HS6ST3: variants seen among roughly 807,000 people sequenced by gnomAD.
HS6ST3 encodes the protein heparan-sulfate 6-O-sulfotransferase 3.
Under a neutral mutation model 36.7 loss-of-function variants are expected in HS6ST3, and 12 were observed. The ratio of observed to expected loss-of-function variants is 0.33; its 90% CI spans 0.21 to 0.53. HS6ST3 has a LOEUF of 0.53. Among genes scored for constraint, HS6ST3 ranks in the 20% least tolerant of loss-of-function variants. HS6ST3 has a pLI of 0.95. For missense variants in HS6ST3, 584 were observed against 640.9 expected, an observed-to-expected ratio of 0.91 and a Z score of 0.96; for synonymous variants, 240 against 257.5, an observed-to-expected ratio of 0.93 and a Z score of 0.65.
intron 1 of HS6ST3, among the ~76,000 whole-genome samples, chr13:96,159,740 G>A (rs559056189): frequency 1.3e-5 from 2 of 152,304 alleles, no homozygotes; most frequent in African/African-American, 4.8e-5. Context: ...CAAACCATTT[G>A]ACTAATTTTG....
chr13:96,668,366 A>G (rs1566425387), intron 1 of HS6ST3, among the ~76,000 whole-genome samples: 2 of 152,202 alleles, frequency 1.3e-5, no homozygotes, highest in Non-Finnish European at 2.9e-5. Context: ...AGGTTAGACA[A>G]TATTCACGAG....
intron 1 of HS6ST3, among the ~76,000 whole-genome samples, chr13:96,565,355 G>A (rs771038592): frequency 2.0e-5 from 3 of 152,074 alleles, no homozygotes; most frequent in Non-Finnish European, 4.4e-5. Flanking sequence ...CCCTTGAAAT[G>A]TCCACCATTT....
chr13:96,462,308 TG>T (rs1310064789), intron 1 of HS6ST3, among the ~76,000 whole-genome samples: 1 of 152,172 alleles, frequency 6.6e-6, no homozygotes, highest in Non-Finnish European at 1.5e-5. Flanking sequence ...TGGCCTCAAG[TG>T]ATCCTCCTAC....
At chr13:96,688,634 T>C (rs1874854049) in intron 1 of HS6ST3, among the ~76,000 whole-genome samples, 1 of 152,116 alleles carries the variant, frequency 6.6e-6, no homozygotes, top group South Asian at 2.1e-4. Context: ...AGTGTTTTCG[T>C]TGAGTTTTTC....
At chr13:96,506,628 T>G (rs1372375941) in intron 1 of HS6ST3, among the ~76,000 whole-genome samples, 1 of 152,160 alleles carries the variant, frequency 6.6e-6, no homozygotes, top group Non-Finnish European at 1.5e-5. Flanking sequence ...GAGAGAGAGA[T>G]CCATGTTATT....
intron 1 of HS6ST3, among the ~76,000 whole-genome samples, chr13:96,291,181 A>G (rs971029319): frequency 3.9e-5 from 6 of 152,064 alleles, no homozygotes; most frequent in Non-Finnish European, 7.4e-5. Context: ...TGTCTCTCCC[A>G]TAGAATGTGG....
At chr13:96,534,134 G>A (rs567738097) in intron 1 of HS6ST3, among the ~76,000 whole-genome samples, 11 of 152,134 alleles carry the variant, frequency 7.2e-5, no homozygotes, top group Non-Finnish European at 1.2e-4. Flanking sequence ...CTGCCAAGTC[G>A]GTGAGCTGTT....
At chr13:96,605,778 AC>A (rs1324987166) in intron 1 of HS6ST3, among the ~76,000 whole-genome samples, 1 of 152,122 alleles carries the variant, frequency 6.6e-6, no homozygotes, top group East Asian at 1.9e-4. Context: ...AGCAAAGGAA[AC>A]TATTAACAGA....
chr13:96,456,356 A>AATC (rs1385589056), intron 1 of HS6ST3, among the ~76,000 whole-genome samples: 1 of 152,152 alleles, frequency 6.6e-6, no homozygotes, highest in Non-Finnish European at 1.5e-5. Context: ...TTCTATTTAT[A>AATC]ATCAATTTTC....
intron 1 of HS6ST3, among the ~76,000 whole-genome samples, chr13:96,315,935 G>A (rs1202810490): frequency 6.6e-6 from 1 of 152,090 alleles, no homozygotes; most frequent in East Asian, 1.9e-4. Flanking sequence ...TGACACCATT[G>A]TGCAGCAAGC....
intron 1 of HS6ST3, among the ~76,000 whole-genome samples, chr13:96,711,038 C>A (rs920800264): frequency 1.3e-5 from 2 of 152,212 alleles, no homozygotes; most frequent in Non-Finnish European, 2.9e-5. Flanking sequence ...CTTTGTCCTA[C>A]GTCTTCTTTT....
At chr13:96,249,663 A>G (rs1247278659) in intron 1 of HS6ST3, among the ~76,000 whole-genome samples, 1 of 152,146 alleles carries the variant, frequency 6.6e-6, no homozygotes, top group Non-Finnish European at 1.5e-5. Context: ...AATCTTTTTC[A>G]TGTCAAAATC....
At chr13:96,223,540 C>T (rs989152713) in intron 1 of HS6ST3, among the ~76,000 whole-genome samples, 3 of 152,198 alleles carry the variant, frequency 2.0e-5, no homozygotes, top group African/African-American at 7.2e-5. Flanking sequence ...ACCCAAGAAC[C>T]TTCCCTAGCA....
intron 1 of HS6ST3, among the ~76,000 whole-genome samples, chr13:96,718,906 A>G (rs1489732173): frequency 2.0e-5 from 3 of 152,184 alleles, no homozygotes. Flanking sequence ...CTTTATAAAG[A>G]TGCTTGTTCC....
chr13:96,391,100 T>G (rs2055393100), intron 1 of HS6ST3, among the ~76,000 whole-genome samples: 1 of 152,224 alleles, frequency 6.6e-6, no homozygotes, highest in Non-Finnish European at 1.5e-5. Flanking sequence ...CCTCTTCTGA[T>G]TCCTACTTTT....
intron 1 of HS6ST3, among the ~76,000 whole-genome samples, chr13:96,534,127 C>T (rs1025699940): frequency 3.2e-4 from 49 of 152,162 alleles, no homozygotes; most frequent in African/African-American, 1.1e-3. Context: ...TTGTGGACTG[C>T]CAAGTCGGTG....
At chr13:96,538,671 T>C (rs1218411878) in intron 1 of HS6ST3, among the ~76,000 whole-genome samples, 3 of 152,220 alleles carry the variant, frequency 2.0e-5, no homozygotes, top group Admixed American at 2.0e-4. Context: ...CTTGAACTCC[T>C]GGCCTCAAGT....
chr13:96,288,056 G>A (rs1186638040), intron 1 of HS6ST3, among the ~76,000 whole-genome samples: 1 of 152,116 alleles, frequency 6.6e-6, no homozygotes, highest in African/African-American at 2.4e-5. Context: ...GAACTTGTTA[G>A]AAGTGCAAAT....
At chr13:96,355,369 A>G (rs1346518992) in intron 1 of HS6ST3, among the ~76,000 whole-genome samples, 1 of 57,002 alleles carries the variant, frequency 1.8e-5, no homozygotes, top group Non-Finnish European at 3.4e-5. Flanking sequence ...ACACACACAC[A>G]CACACACACA....
Sources: gnomAD v4.1 joint callset for allele counts (sites outside exome capture counted in the v4.1 genomes callset) on GRCh38, gnomAD v4.1.1 for gene constraint, MANE v1.5 for transcripts, NCBI Gene and HGNC (gene_info 2026-07-23, HGNC 2026-07-21) for gene names.